Variants in DSE observed in about 807,000 individuals in gnomAD.
DSE encodes the protein dermatan-sulfate epimerase.
Under a neutral mutation model 84.4 loss-of-function variants are expected in DSE, and 36 were observed. The ratio of observed to expected loss-of-function variants is 0.43; its 90% CI spans 0.33 to 0.56. The LOEUF (loss-of-function observed/expected upper bound fraction) is 0.56. Ranked by LOEUF, DSE falls within the 20% of genes least tolerant of loss-of-function variation. The pLI is 0.06. For synonymous variants in DSE, 410 were observed against 430.1 expected (o/e 0.95, Z 0.58); for missense variants, 862 against 1,169.6 (o/e 0.74, Z 3.84).
chr6:116,300,985 CT>C (rs1057008711), intron 2 of DSE, among the ~76,000 whole-genome samples: 15 of 152,254 alleles, frequency 9.9e-5, no homozygotes, highest in South Asian at 6.2e-4. Context: ...AGACAGCAAA[CT>C]TAGGGGTGAA....
At chr6:116,381,159 G>A (rs1672727736) in intron 1 of DSE, among the ~76,000 whole-genome samples, 1 of 152,160 alleles carries the variant, frequency 6.6e-6, no homozygotes, top group East Asian at 1.9e-4. Context: ...GCTTATGGAT[G>A]GAGTTGCCAA....
At chr6:116,258,807 G>A (rs1582901234) in exon 2 of DSE, 2 of 1,608,966 alleles carry the variant, frequency 1.2e-6, no homozygotes, top group Non-Finnish European at 1.7e-6. Flanking sequence ...TCTCGCCTGT[G>A]AGCAGGTGTA....
At chr6:116,319,673 T>TTA (rs1425629582) in intron 2 of DSE, among the ~76,000 whole-genome samples, 2 of 152,232 alleles carry the variant, frequency 1.3e-5, no homozygotes, top group African/African-American at 4.8e-5. Flanking sequence ...CTGTAGTGCC[T>TTA]TATTATGGCC....
At chr6:116,367,303 G>T (rs1779220637), upstream of DSE, 1 of 152,262 alleles carries the variant, frequency 6.6e-6, no homozygotes, top group Non-Finnish European at 1.5e-5. Flanking sequence ...GAATCTATAG[G>T]TGCAGGGTAA....
chr6:116,267,569 TA>T (rs1772685163), intron 2 of DSE, among the ~76,000 whole-genome samples: 1 of 152,122 alleles, frequency 6.6e-6, no homozygotes, highest in Non-Finnish European at 1.5e-5. Flanking sequence ...TTTAAAAAGT[TA>T]AAACATAAAG....
intron 2 of DSE, among the ~76,000 whole-genome samples, chr6:116,304,801 C>T (rs1775247089): frequency 6.6e-6 from 1 of 152,180 alleles, no homozygotes; most frequent in African/African-American, 2.4e-5. Flanking sequence ...TAGAATGAAA[C>T]TCTGCTACCC....
intron 2 of DSE, among the ~76,000 whole-genome samples, chr6:116,283,988 T>C (rs1384604532): frequency 1.3e-5 from 2 of 152,232 alleles, no homozygotes; most frequent in African/African-American, 2.4e-5. Context: ...ATCACCTTTT[T>C]TGCACTTTAA....
intron 1 of DSE, among the ~76,000 whole-genome samples, chr6:116,382,294 A>G (rs1285351509): frequency 1.3e-5 from 2 of 152,182 alleles, no homozygotes; most frequent in Non-Finnish European, 2.9e-5. Flanking sequence ...CTACCATAAC[A>G]TGGCCATGAT....
At chr6:116,266,034 C>T in intron 2 of DSE, among the ~76,000 whole-genome samples, 1 of 152,216 alleles carries the variant, frequency 6.6e-6, no homozygotes, top group Non-Finnish European at 1.5e-5. Context: ...GCCAGTTCAA[C>T]TCACCCATTC....
intron 2 of DSE, chr6:116,279,621 T>C (rs776579074): frequency 3.7e-6 from 6 of 1,602,578 alleles, no homozygotes; most frequent in South Asian, 2.2e-5. Context: ...CATCCTGGGG[T>C]ACGCCCCCCT....
In DSE at chr6:116,304,968, T is replaced by C. The variant is rs1020685586; in HGVS notation, c.-54+46001T>C. 3.3e-5 allele frequency among the ~76,000 whole-genome samples: 5 copies of C among 152,298 alleles called. No homozygotes were observed. In the East Asian group the frequency reaches 9.6e-4, roughly 29 times the overall value. On this transcript the variant is annotated intron_variant, in intron 2 of 3. Transcript: ENST00000430252. ...TCCATCTCTATCCTAGATATCTCAC[T>C]TGAGCTCCATGACTTTTTTCCAGCT... is the stretch of plus-strand genomic sequence containing the variant.
intron 2 of DSE, among the ~76,000 whole-genome samples, chr6:116,409,698 T>G (rs1782189100): frequency 6.6e-6 from 1 of 152,214 alleles, no homozygotes; most frequent in African/African-American, 2.4e-5. Flanking sequence ...ATGGAAGATA[T>G]AAATACTAAT....
chr6:116,256,639 G>A (rs753539923), intron 1 of DSE: 7 of 152,022 alleles, frequency 4.6e-5, no homozygotes, highest in Non-Finnish European at 7.4e-5. Context: ...TAGCATCTAC[G>A]ACAGTATAGT....
rs546009570 is a variant in DSE at position 116,380,750 on chromosome 6, A to G, written c.-54+9629A>G. Among the ~76,000 whole-genome samples the G allele has an allele frequency of 8.5e-5, 13 of 152,344 alleles. No individual in the cohort carries two copies. In the South Asian group the frequency reaches 2.7e-3, roughly 32 times the overall value. On this transcript the variant is annotated intron_variant, in intron 1 of 5. Coordinates refer to ENST00000644252, the MANE Select transcript of DSE (RefSeq NM_013352.4). ...CCAGCAGTTTATACCTGAGTTGGTG[A>G]TCAAATCCCTTTTGGATACAGAGAG...
chr6:116,419,624 C>A (rs1201368338), intron 2 of DSE, among the ~76,000 whole-genome samples: 1 of 152,136 alleles, frequency 6.6e-6, no homozygotes, highest in Non-Finnish European at 1.5e-5. Flanking sequence ...GCAAAGCTGG[C>A]AAATGGGAAG....
chr6:116,326,425 A>C (rs987199498), intron 2 of DSE, among the ~76,000 whole-genome samples: 2 of 152,158 alleles, frequency 1.3e-5, no homozygotes, highest in African/African-American at 4.8e-5. Context: ...TTTGGCAGTT[A>C]CTGTGATATT....
chr6:116,299,872 C>A (rs10456906), intron 2 of DSE, among the ~76,000 whole-genome samples: 35,904 of 151,760 alleles, frequency 0.24, 5,596 homozygotes, highest in Non-Finnish European at 0.36. Flanking sequence ...AGAATGTTAC[C>A]TAACACATTT....
intron 1 of DSE, among the ~76,000 whole-genome samples, chr6:116,397,627 A>G (rs1405417992): frequency 6.6e-6 from 1 of 152,184 alleles, no homozygotes. Context: ...TAACCACAGA[A>G]GACTATTTCT....
intron 2 of DSE, among the ~76,000 whole-genome samples, chr6:116,363,188 CT>C (rs939282646): frequency 7.5e-4 from 113 of 151,530 alleles, no homozygotes; most frequent in African/African-American, 2.5e-3. Flanking sequence ...GTAACAGTTG[CT>C]TTTTTTTGCC....
Sources: gnomAD v4.1 joint callset for allele counts (sites outside exome capture counted in the v4.1 genomes callset) on GRCh38, gnomAD v4.1.1 for gene constraint, MANE v1.5 for transcripts, NCBI Gene and HGNC (gene_info 2026-07-23, HGNC 2026-07-21) for gene names.